PPP2R2B: variants seen among roughly 807,000 people sequenced by gnomAD.
The protein encoded by PPP2R2B is protein phosphatase 2 regulatory subunit Bbeta, also known as serine/threonine-protein phosphatase 2A 55 kDa regulatory subunit B beta isoform.
PPP2R2B carries 5 observed loss-of-function variants against 46.0 expected under a neutral mutation model. That is an observed-to-expected ratio of 0.11 (90% CI 0.06 to 0.23). PPP2R2B has a LOEUF of 0.23. PPP2R2B is among the 10% of genes least tolerant of loss of function. The pLI is 1.00. For synonymous variants in PPP2R2B, 215 were observed against 206.7 expected, an observed-to-expected ratio of 1.04 and a Z score of -0.34; for missense variants, 367 against 575.0, an observed-to-expected ratio of 0.64 and a Z score of 3.70.
chr5:146,625,055 G>A (rs1253960178), intron 7 of PPP2R2B, among the ~76,000 whole-genome samples: 2 of 152,206 alleles, frequency 1.3e-5, no homozygotes, highest in African/African-American at 4.8e-5. Flanking sequence ...CAGTGCCTGG[G>A]ACATGTGAAG....
intron 1 of PPP2R2B, among the ~76,000 whole-genome samples, chr5:146,967,433 T>C (rs1366479305): frequency 6.6e-6 from 1 of 152,184 alleles, no homozygotes; most frequent in Non-Finnish European, 1.5e-5. Context: ...ATAGGTTCCA[T>C]TGATATTATT....
At chr5:146,750,357 T>A (rs1477998106) in intron 2 of PPP2R2B, among the ~76,000 whole-genome samples, 2 of 152,216 alleles carry the variant, frequency 1.3e-5, no homozygotes, top group Non-Finnish European at 2.9e-5. Context: ...TTGATAGCAA[T>A]CACATTAAAC....
Position 146,878,594 on chromosome 5 carries a change from G to C in PPP2R2B, c.-128C>G. The C allele has an allele frequency of 1.6e-6, 2 of 1,234,258 alleles. No homozygotes were observed. The highest frequency in any genetic ancestry group is 2.1e-6 in the Non-Finnish European group (2 of 963,962). 76.5% of individuals were successfully genotyped at this position (1,234,258 alleles called of 1,614,324 possible). A position where few individuals can be genotyped will look rare whatever the true frequency, so the allele number is the denominator to read the frequency against. On this transcript the variant is annotated 5_prime_UTR_variant, in exon 1 of 10. Transcript: ENST00000394411. This position sits in a 1 kb window ranked among gnomAD's most constrained non-coding sequence, Gnocchi z 4.5. ...CAGGGACAGGATTCAGGCTTGCCTGGCCGGAATGAGGGTGCTGGTCCCACG... is the reference window on the plus strand; with the variant it reads ...CAGGGACAGGATTCAGGCTTGCCTGCCCGGAATGAGGGTGCTGGTCCCACG...
chr5:146,681,152 C>G (rs964944463), intron 5 of PPP2R2B, among the ~76,000 whole-genome samples: 1 of 152,170 alleles, frequency 6.6e-6, no homozygotes, highest in Non-Finnish European at 1.5e-5. Flanking sequence ...TCCATTTGCA[C>G]TAATTATTTT....
At chr5:147,007,776 G>A (rs1167356614) in intron 1 of PPP2R2B, among the ~76,000 whole-genome samples, 1 of 152,074 alleles carries the variant, frequency 6.6e-6, no homozygotes, top group Non-Finnish European at 1.5e-5. Flanking sequence ...TGACTGCGAG[G>A]GTCTGCGGCT....
intron 1 of PPP2R2B, among the ~76,000 whole-genome samples, chr5:146,912,255 A>G (rs1254897405): frequency 6.6e-6 from 1 of 151,144 alleles, no homozygotes; most frequent in Non-Finnish European, 1.5e-5. Context: ...AAAAAAAAAA[A>G]AAAAAAGTTC....
intron 5 of PPP2R2B, among the ~76,000 whole-genome samples, chr5:146,674,751 TC>T: frequency 6.6e-6 from 1 of 152,230 alleles, no homozygotes; most frequent in East Asian, 1.9e-4. Flanking sequence ...TCTCAAAAGT[TC>T]TGGGAACTTA....
chr5:146,772,439 T>C (rs1042698159), intron 2 of PPP2R2B, among the ~76,000 whole-genome samples: 15 of 144,502 alleles, frequency 1.0e-4, no homozygotes, highest in African/African-American at 3.9e-4. Flanking sequence ...TATACTTATT[T>C]CTAAATACAG....
At chr5:147,081,095 G>C in exon 2 of PPP2R2B, 1 of 1,535,610 alleles carries the variant, frequency 6.5e-7, no homozygotes, top group Non-Finnish European at 8.7e-7. Flanking sequence ...CCTTTCACTT[G>C]GCTGAAGCAC....
chr5:146,987,474 C>T (rs1561558463), intron 1 of PPP2R2B, among the ~76,000 whole-genome samples: 1 of 151,888 alleles, frequency 6.6e-6, no homozygotes, highest in Non-Finnish European at 1.5e-5. Context: ...ATCCAAAAGA[C>T]AAAATGTAGG....
At chr5:146,643,049 C>G (rs1775322258) in intron 6 of PPP2R2B, among the ~76,000 whole-genome samples, 1 of 152,072 alleles carries the variant, frequency 6.6e-6, no homozygotes, top group Non-Finnish European at 1.5e-5. Flanking sequence ...ACAGCCAGAC[C>G]CTGTATTGAA....
At chr5:146,718,603 T>C (rs1439244985) in intron 2 of PPP2R2B, among the ~76,000 whole-genome samples, 3 of 152,174 alleles carry the variant, frequency 2.0e-5, no homozygotes, top group African/African-American at 7.2e-5. Context: ...GCTAATCATA[T>C]ACACGAAAAC....
At chr5:146,660,511 T>C (rs1017595833) in intron 5 of PPP2R2B, among the ~76,000 whole-genome samples, 3 of 152,102 alleles carry the variant, frequency 2.0e-5, no homozygotes, top group Non-Finnish European at 4.4e-5. Flanking sequence ...TGGATGGTGT[T>C]CAGAAAGCAG....
At chr5:146,868,395 C>T (rs1209194339) in intron 2 of PPP2R2B, among the ~76,000 whole-genome samples, 2 of 152,162 alleles carry the variant, frequency 1.3e-5, no homozygotes, top group Non-Finnish European at 2.9e-5. Context: ...AAGCCTATGG[C>T]CATGTTTTCC....
intron 5 of PPP2R2B, among the ~76,000 whole-genome samples, chr5:146,656,932 C>G (rs1000451781): frequency 1.3e-5 from 2 of 152,286 alleles, no homozygotes; most frequent in African/African-American, 4.8e-5. Context: ...ATTATCTTTC[C>G]CGCCTCTCCT....
chr5:146,990,828 C>G (rs1233279368), intron 1 of PPP2R2B, among the ~76,000 whole-genome samples: 2 of 151,714 alleles, frequency 1.3e-5, no homozygotes, highest in African/African-American at 4.8e-5. Context: ...GATTATTATT[C>G]AGAATATATA....
chr5:146,580,869 A>G lies in PPP2R2B; in HGVS notation c.*9078T>C, dbSNP rs542010560. On this transcript the variant is annotated 3_prime_UTR_variant, in exon 10 of 10. Coordinates refer to ENST00000394411, the MANE Select transcript of PPP2R2B (RefSeq NM_181675.4). ...TCATTTGAGAACAATGGAGTTAATG[A>G]ATCAACCCCGTGCTGGTCAAAGTGA... is the stretch of plus-strand genomic sequence containing the variant. 6.6e-6 allele frequency among the ~76,000 whole-genome samples: 1 copy of G among 152,292 alleles called. No homozygotes were observed. The highest frequency in any genetic ancestry group is 1.9e-4 in the East Asian group (1 of 5,184).
chr5:146,756,618 T>C (rs1753847592), intron 2 of PPP2R2B, among the ~76,000 whole-genome samples: 1 of 152,260 alleles, frequency 6.6e-6, no homozygotes, highest in Non-Finnish European at 1.5e-5. Context: ...TTAAGCAAAT[T>C]ATTTTTCTGT....
chr5:146,979,789 A>G (rs986395072), intron 1 of PPP2R2B, among the ~76,000 whole-genome samples: 2 of 152,230 alleles, frequency 1.3e-5, no homozygotes, highest in African/African-American at 4.8e-5. Context: ...ATAAAATAGA[A>G]CAATTATAAC....
Sources: gnomAD v4.1 joint callset for allele counts (sites outside exome capture counted in the v4.1 genomes callset) on GRCh38, gnomAD v4.1.1 for gene constraint, Gnocchi (gnomAD v3.1) non-coding constraint, MANE v1.5 for transcripts, NCBI Gene and HGNC (gene_info 2026-07-23, HGNC 2026-07-21) for gene names.